Variants in RANBP2 observed in about 807,000 individuals in gnomAD.
RANBP2 encodes E3 SUMO-protein ligase RanBP2.
RANBP2 carries 57 observed loss-of-function variants against 303.6 expected under a neutral mutation model. The observed-to-expected ratio is 0.19, with a 90% CI of 0.15 to 0.23. RANBP2 has a LOEUF of 0.23. Ranked by LOEUF, RANBP2 falls within the 10% of genes least tolerant of loss-of-function variation. The pLI is 1.00. For missense variants in RANBP2, 3,138 were observed against 3,780.8 expected, an observed-to-expected ratio of 0.83 and a Z score of 4.46; for synonymous variants, 1,167 against 1,301.5, an observed-to-expected ratio of 0.90 and a Z score of 2.23.
the RANBP2 span, among the ~76,000 whole-genome samples, chr2:109,525,392 G>A: frequency 6.6e-6 from 1 of 152,100 alleles, no homozygotes; most frequent in Admixed American, 6.5e-5. Flanking sequence ...TCGAACTCCT[G>A]ACCTCAAATG....
chr2:108,834,411 C>A, the RANBP2 span, among the ~76,000 whole-genome samples: 1 of 151,798 alleles, frequency 6.6e-6, no homozygotes, highest in African/African-American at 2.4e-5. Flanking sequence ...ATGGGGGTTT[C>A]ACCATGTTGG....
At chr2:109,134,726 C>T in the RANBP2 span, among the ~76,000 whole-genome samples, 1 of 152,114 alleles carries the variant, frequency 6.6e-6, no homozygotes, top group Non-Finnish European at 1.5e-5. Context: ...CTTACTCTAC[C>T]ACAGGCTCAG....
the RANBP2 span, among the ~76,000 whole-genome samples, chr2:109,602,730 G>A: frequency 6.9e-6 from 1 of 144,298 alleles, no homozygotes; most frequent in African/African-American, 2.6e-5. Context: ...TCCTTCAAAA[G>A]AGAGCATGTT....
At chr2:108,831,811 C>T in the RANBP2 span, among the ~76,000 whole-genome samples, 2 of 152,044 alleles carry the variant, frequency 1.3e-5, no homozygotes, top group African/African-American at 4.8e-5. Context: ...CGGCCCACTG[C>T]AACTACTGCC....
chr2:109,616,400 G>C, the RANBP2 span: 2 of 195,232 alleles, frequency 1.0e-5, no homozygotes, highest in African/African-American at 4.7e-5. Flanking sequence ...ATTCCTGGAT[G>C]CCTGCAAAGT....
chr2:108,913,715 C>T, the RANBP2 span, among the ~76,000 whole-genome samples: 1 of 152,072 alleles, frequency 6.6e-6, no homozygotes, highest in African/African-American at 2.4e-5. Context: ...GTTAGAAGGA[C>T]AAGAGGTGGC....
At chr2:108,733,257 C>CTTTTTTTTTT (rs34665362) in intron 4 of RANBP2, among the ~76,000 whole-genome samples, 1 of 85,004 alleles carries the variant, frequency 1.2e-5, no homozygotes, top group Non-Finnish European at 2.1e-5. Flanking sequence ...TAACCATTCC[C>CTTTTTTTTTT]TTTTTTTTTT....
At chr2:108,881,147 G>T in the RANBP2 span, among the ~76,000 whole-genome samples, 2,679 of 152,336 alleles carry the variant, frequency 0.018, 68 homozygotes, top group African/African-American at 0.062. Flanking sequence ...TTGAAAATCT[G>T]TTGTGTAGTG....
chr2:108,958,366 A>C, the RANBP2 span, among the ~76,000 whole-genome samples: 1 of 150,586 alleles, frequency 6.6e-6, no homozygotes, highest in Non-Finnish European at 1.5e-5. Flanking sequence ...GGGAATTGCT[A>C]TCACTTTCAT....
the RANBP2 span, among the ~76,000 whole-genome samples, chr2:109,521,756 T>G: frequency 6.6e-6 from 1 of 152,220 alleles, no homozygotes; most frequent in African/African-American, 2.4e-5. Context: ...TGGAGTCCCC[T>G]GAGCAAAGCC....
At chr2:109,234,033 T>C in the RANBP2 span, among the ~76,000 whole-genome samples, 1 of 152,346 alleles carries the variant, frequency 6.6e-6, no homozygotes, top group Admixed American at 6.5e-5. Flanking sequence ...GGTTTTTGTG[T>C]TAATATGTTT....
At chr2:109,626,674 C>T in the RANBP2 span, among the ~76,000 whole-genome samples, 1 of 152,198 alleles carries the variant, frequency 6.6e-6, no homozygotes, top group Non-Finnish European at 1.5e-5. Flanking sequence ...CCCAGGGCCC[C>T]CTTCCAGAAG....
intron 6 of RANBP2, among the ~76,000 whole-genome samples, chr2:108,740,025 G>A (rs868806578): frequency 6.6e-6 from 1 of 151,944 alleles, no homozygotes; most frequent in Non-Finnish European, 1.5e-5. Context: ...ACGCTGTAAT[G>A]ATCTATATAG....
At chr2:109,683,258 G>T in the RANBP2 span, among the ~76,000 whole-genome samples, 8 of 152,048 alleles carry the variant, frequency 5.3e-5, 1 homozygote, top group Admixed American at 3.3e-4. Flanking sequence ...CGCCTGCCTC[G>T]GCCTCCCAAA....
the RANBP2 span, among the ~76,000 whole-genome samples, chr2:109,729,077 G>C: frequency 6.6e-6 from 1 of 152,170 alleles, no homozygotes; most frequent in Admixed American, 6.5e-5. Flanking sequence ...TCTGCCATGT[G>C]AAGATAGCTG....
chr2:108,916,313 C>G, the RANBP2 span, among the ~76,000 whole-genome samples: 1 of 152,152 alleles, frequency 6.6e-6, no homozygotes, highest in African/African-American at 2.4e-5. Context: ...CCCTTCCTGT[C>G]GGGGCTCGCA....
At chr2:109,221,102 A>G in the RANBP2 span, among the ~76,000 whole-genome samples, 2 of 152,258 alleles carry the variant, frequency 1.3e-5, no homozygotes, top group Admixed American at 6.5e-5. Flanking sequence ...CACGTGCTGC[A>G]TGGATGAACT....
the RANBP2 span, among the ~76,000 whole-genome samples, chr2:109,003,567 G>A: frequency 6.6e-6 from 1 of 151,806 alleles, no homozygotes; most frequent in African/African-American, 2.4e-5. Context: ...TGCGCCACTA[G>A]GTCTGGCTAA....
At chr2:108,833,869 A>G in the RANBP2 span, among the ~76,000 whole-genome samples, 1 of 146,444 alleles carries the variant, frequency 6.8e-6, no homozygotes, top group East Asian at 2.0e-4. Flanking sequence ...CTGGGACTAC[A>G]GGCGCCCGCT....
Sources: allele counts gnomAD v4.1 joint callset (sites outside exome capture counted in the v4.1 genomes callset), GRCh38; gene constraint gnomAD v4.1.1; transcripts MANE v1.5; gene names NCBI Gene and HGNC (gene_info 2026-07-23, HGNC 2026-07-21).